Variants in TNIK observed in about 807,000 individuals in gnomAD.
TNIK encodes the protein TRAF2 and NCK-interacting protein kinase.
Under a neutral mutation model 191.3 loss-of-function variants are expected in TNIK, and 49 were observed. The observed-to-expected ratio is 0.26, with a 90% CI of 0.20 to 0.32. TNIK has a LOEUF of 0.32. Among genes scored for constraint, TNIK ranks in the 10% least tolerant of loss-of-function variants. The pLI is 1.00. For missense variants in TNIK, 1,155 were observed against 1,702.3 expected (o/e 0.68, Z 5.66); for synonymous variants, 594 against 600.9 (o/e 0.99, Z 0.17).
rs1157133188 is a variant in TNIK, at chr3:171,327,782, T to TA, written c.123+41837dup. 4.6e-5 allele frequency among the ~76,000 whole-genome samples: 7 copies of TA among 151,906 alleles called. No individual in the cohort carries two copies. The East Asian group carries it at 1.4e-3, about 29-fold the overall frequency. The stretch of plus-strand genomic sequence containing the variant: ...TAATATAGCTGCATAAAGGAAGGTG[T>TA]AACGGGTGCCCCTTCATCATCTTAG... On this transcript the variant is annotated intron_variant, in intron 2 of 32. Coordinates refer to ENST00000436636, the MANE Select transcript of TNIK (RefSeq NM_015028.4).
chr3:171,173,217 TAC>T (rs1192488216), intron 9 of TNIK, among the ~76,000 whole-genome samples: 37 of 94,864 alleles, frequency 3.9e-4, no homozygotes, highest in Non-Finnish European at 6.9e-4. Flanking sequence ...ACCCTGTCTC[TAC>T]TAAAAAAAAA....
At chr3:171,321,442 A>C (rs1464283062) in intron 2 of TNIK, among the ~76,000 whole-genome samples, 7 of 152,230 alleles carry the variant, frequency 4.6e-5, no homozygotes, top group African/African-American at 1.7e-4. Flanking sequence ...TAAAGAGCAT[A>C]AACATCCATT....
intron 18 of TNIK, among the ~76,000 whole-genome samples, chr3:171,113,234 TTTA>T (rs972133064): frequency 2.6e-5 from 4 of 152,246 alleles, no homozygotes; most frequent in East Asian, 1.9e-4. Flanking sequence ...TGTATTTTTT[TTTA>T]TTATCTTCTT....
intron 7 of TNIK, among the ~76,000 whole-genome samples, chr3:171,185,129 A>G (rs1577065220): frequency 6.6e-6 from 1 of 151,974 alleles, no homozygotes; most frequent in South Asian, 2.1e-4. Flanking sequence ...CACATGCCCT[A>G]TTCAAAAGTA....
chr3:171,458,714 C>T (rs1432602068), intron 1 of TNIK, among the ~76,000 whole-genome samples: 2 of 152,188 alleles, frequency 1.3e-5, no homozygotes, highest in Non-Finnish European at 2.9e-5. Flanking sequence ...CAATGTATTC[C>T]TCAGGAGGGC....
At chr3:171,096,936 ATAT>A (rs1334157870) in intron 22 of TNIK, among the ~76,000 whole-genome samples, 1 of 152,204 alleles carries the variant, frequency 6.6e-6, no homozygotes, top group Non-Finnish European at 1.5e-5. Flanking sequence ...GGCTATCAGG[ATAT>A]TATTTGGATA....
chr3:171,192,775 GT>G (rs1020588490), intron 5 of TNIK, among the ~76,000 whole-genome samples: 1 of 152,142 alleles, frequency 6.6e-6, no homozygotes, highest in Non-Finnish European at 1.5e-5. Context: ...TTCAAAGTAA[GT>G]TTGCACAATG....
At chr3:171,157,995 T>C (rs1423093021) in intron 11 of TNIK, among the ~76,000 whole-genome samples, 2 of 152,248 alleles carry the variant, frequency 1.3e-5, no homozygotes, top group East Asian at 3.9e-4. Flanking sequence ...TTAAAGACTT[T>C]AGCCAGTGTG....
intron 1 of TNIK, among the ~76,000 whole-genome samples, chr3:171,374,132 A>G (rs905040023): frequency 6.6e-6 from 1 of 152,236 alleles, no homozygotes; most frequent in Admixed American, 6.5e-5. Context: ...AAATCACAAA[A>G]AATGGGATCA....
intron 2 of TNIK, among the ~76,000 whole-genome samples, chr3:171,285,415 A>G (rs890533580): frequency 9.2e-5 from 14 of 152,216 alleles, no homozygotes; most frequent in Non-Finnish European, 1.8e-4. Flanking sequence ...TGAGAAAGTA[A>G]AAGTGTAGAG....
At chr3:171,176,815 C>T (rs753116898) in intron 8 of TNIK, among the ~76,000 whole-genome samples, 3 of 152,198 alleles carry the variant, frequency 2.0e-5, no homozygotes, top group Non-Finnish European at 4.4e-5. Flanking sequence ...GCCAATACTC[C>T]AAATCTCAAG....
At chr3:171,429,409 G>T (rs1171327569) in intron 1 of TNIK, among the ~76,000 whole-genome samples, 1 of 152,176 alleles carries the variant, frequency 6.6e-6, no homozygotes, top group Non-Finnish European at 1.5e-5. Context: ...CAGAAGTTAA[G>T]AGAGAAGAAG....
chr3:171,404,421 A>G (rs1721403022), intron 1 of TNIK, among the ~76,000 whole-genome samples: 1 of 152,206 alleles, frequency 6.6e-6, no homozygotes, highest in African/African-American at 2.4e-5. Flanking sequence ...AATTTTTATC[A>G]GTTCATTAAT....
chr3:171,302,747 A>G (rs6779323), intron 2 of TNIK, among the ~76,000 whole-genome samples: 54,868 of 152,090 alleles, frequency 0.36, 10,495 homozygotes, highest in Non-Finnish European at 0.42. Flanking sequence ...GAAGGTGTTA[A>G]ATGTTTATAA....
chr3:171,098,961 A>T (rs1401188040), intron 22 of TNIK, among the ~76,000 whole-genome samples: 2 of 152,150 alleles, frequency 1.3e-5, no homozygotes, highest in Non-Finnish European at 2.9e-5. Context: ...ATTTTCTCAC[A>T]TACATAATCA....
At chr3:171,400,931 A>G (rs1023303263) in intron 1 of TNIK, among the ~76,000 whole-genome samples, 4 of 152,190 alleles carry the variant, frequency 2.6e-5, no homozygotes, top group Non-Finnish European at 5.9e-5. Flanking sequence ...TGGTGTGTAT[A>G]CCTGAGTGAT....
intron 28 of TNIK, 55 bp downstream of exon 28, chr3:171,079,459 CTAAG>C (rs1309308755): frequency 1.8e-4 from 274 of 1,559,080 alleles, no homozygotes; most frequent in Non-Finnish European, 1.3e-4. Flanking sequence ...TGAAACCTAA[CTAAG>C]TAAGTCTGAT....
At chr3:171,253,221 T>G (rs1450395310) in intron 2 of TNIK, among the ~76,000 whole-genome samples, 1 of 148,848 alleles carries the variant, frequency 6.7e-6, no homozygotes, top group Non-Finnish European at 1.5e-5. Flanking sequence ...GAGGCGGAAC[T>G]TGCAGTGAGC....
chr3:171,417,846 G>C (rs942680146), intron 1 of TNIK, among the ~76,000 whole-genome samples: 2 of 152,184 alleles, frequency 1.3e-5, no homozygotes, highest in Non-Finnish European at 2.9e-5. Context: ...ATTTCCCAAA[G>C]AATTACCATG....
Sources: allele counts gnomAD v4.1 joint callset (sites outside exome capture counted in the v4.1 genomes callset), GRCh38; gene constraint gnomAD v4.1.1; transcripts MANE v1.5; gene names NCBI Gene and HGNC (gene_info 2026-07-23, HGNC 2026-07-21).